Variants in MFSD11 observed in about 807,000 individuals in gnomAD.
The protein encoded by MFSD11 is major facilitator superfamily domain containing 11, also known as UNC93-like protein MFSD11.
MFSD11 carries 36 observed loss-of-function variants against 53.5 expected under a neutral mutation model. The ratio of observed to expected loss-of-function variants is 0.67; its 90% CI spans 0.52 to 0.89. The LOEUF (loss-of-function observed/expected upper bound fraction) is 0.89. MFSD11 is among the 40% of genes least tolerant of loss of function. MFSD11 has a pLI of 0.00. For missense variants in MFSD11, 530 were observed against 543.9 expected, an observed-to-expected ratio of 0.97 and a Z score of 0.25; for synonymous variants, 186 against 184.9, an observed-to-expected ratio of 1.01 and a Z score of -0.05.
intron 7 of MFSD11, among the ~76,000 whole-genome samples, chr17:76,750,723 A>G (rs1598560523): frequency 1.3e-5 from 2 of 151,076 alleles, no homozygotes; most frequent in Non-Finnish European, 2.9e-5. Flanking sequence ...AGTTAACAAG[A>G]TCTTCTTTAC....
At position 76,769,695 on chromosome 17, in the gene MFSD11, A is replaced by AATG. The variant is rs781667510; in HGVS notation, c.749-50_749-49insTGA. 12 of 1,484,266 alleles carry AATG rather than the reference A, an allele frequency of 8.1e-6. No individual in the cohort carries two copies. The South Asian group carries it at 1.5e-4, about 18-fold the overall frequency. The allele number at this position is 1,484,266 out of a possible 1,614,324, so 91.9% of individuals were successfully genotyped here. On this transcript the variant is annotated intron_variant, in intron 9 of 12. Coordinates refer to ENST00000685175, the MANE Select transcript of MFSD11 (RefSeq NM_001242532.5). ...TCAGATACTACTAGATGGGAAGATAAACAAAAATGTGAATATATAAATGAC... is the reference window on the plus strand; with the variant it reads ...TCAGATACTACTAGATGGGAAGATAAATGACAAAAATGTGAATATATAAATGAC...
At chr17:76,763,140 A>G (rs923127934) in intron 8 of MFSD11, among the ~76,000 whole-genome samples, 1 of 152,212 alleles carries the variant, frequency 6.6e-6, no homozygotes, top group Non-Finnish European at 1.5e-5. Context: ...TTGCTGGGTC[A>G]TGTGGTATCT....
downstream of MFSD11, among the ~76,000 whole-genome samples, chr17:76,785,947 T>G (rs1393174228): frequency 2.6e-5 from 4 of 151,002 alleles, 1 homozygote; most frequent in African/African-American, 9.7e-5. Flanking sequence ...GGCATGGTGG[T>G]GGGCACCTGT....
chr17:76,775,127 T>A lies in MFSD11; in HGVS notation c.1005T>A (p.Ile335=), dbSNP rs1343203911. The A allele has an allele frequency of 6.2e-7, 1 of 1,614,078 alleles. No individual in the cohort carries two copies. The highest frequency in any genetic ancestry group is 2.2e-5 in the East Asian group (1 of 44,892). The change falls in exon 11 of 13, where the codon ATT becomes ATA. Residue 335 remains isoleucine, a synonymous_variant. Coordinates refer to ENST00000685175, the MANE Select transcript of MFSD11 (RefSeq NM_001242532.5). ...TCAACATGCCTGGAGATGCCCCGAT[T>A]GCTCCTGTTAAAGGAACTGACAGCA... ...IFLNMPGDAP[I]APVKGTDSSA...
chr17:76,781,290 TA>T (rs2082158334), downstream of MFSD11: 1 of 152,048 alleles, frequency 6.6e-6, no homozygotes, highest in Non-Finnish European at 1.5e-5. Context: ...TGCTACGGAG[TA>T]GTCCTCAGGG....
intron 7 of MFSD11, among the ~76,000 whole-genome samples, chr17:76,749,620 G>A (rs777416899): frequency 2.0e-5 from 3 of 151,606 alleles, no homozygotes; most frequent in Admixed American, 6.6e-5. Flanking sequence ...GGCTGGGCAC[G>A]GTGACTTAAA....
chr17:76,793,705 T>C, the MFSD11 span, among the ~76,000 whole-genome samples: 1 of 151,590 alleles, frequency 6.6e-6, no homozygotes, highest in Admixed American at 6.6e-5. Flanking sequence ...TGTTCAGAGA[T>C]TGCAGTAAAG....
intron 8 of MFSD11, among the ~76,000 whole-genome samples, chr17:76,766,275 C>T (rs796232937): frequency 3.3e-5 from 5 of 151,334 alleles, no homozygotes; most frequent in Admixed American, 2.6e-4. Flanking sequence ...AATAATTAGC[C>T]GGGCATGGTG....
chr17:76,743,497 G>T, intron 6 of MFSD11, 41 bp downstream of exon 6: 1 of 1,316,546 alleles, frequency 7.6e-7, no homozygotes, highest in South Asian at 1.5e-5. Flanking sequence ...TATGTTCAAA[G>T]CATAATAGGA....
chr17:76,800,980 G>A, the MFSD11 span, among the ~76,000 whole-genome samples: 21 of 152,068 alleles, frequency 1.4e-4, no homozygotes, highest in East Asian at 4.1e-3. Context: ...GGGAGGTGGA[G>A]GCAGGAGAAT....
At chr17:76,759,516 G>A (rs778602977) in intron 8 of MFSD11, among the ~76,000 whole-genome samples, 28 of 151,624 alleles carry the variant, frequency 1.8e-4, no homozygotes, top group East Asian at 3.9e-4. Flanking sequence ...GTGCAGTGGC[G>A]CGATCTCAGC....
chr17:76,763,232 T>C (rs553251825), intron 8 of MFSD11, among the ~76,000 whole-genome samples: 13 of 152,202 alleles, frequency 8.5e-5, no homozygotes, highest in African/African-American at 2.9e-4. Flanking sequence ...TGTCAGTGTT[T>C]CCACGTGCTT....
Position 76,739,001 on chromosome 17 carries a change from A to G in MFSD11, c.152+8A>G. On this transcript the variant is annotated splice_region_variant and intron_variant, in intron 2 of 12. Transcript: ENST00000685175. ...CGGCAGTGGATATACCAGGTATTGT[A>G]CCGTATGATTGATTTTGCTTTATAT... 6.2e-7 allele frequency: 1 copy of G among 1,609,692 alleles called. No individual in the cohort carries two copies. The highest frequency in any genetic ancestry group is 8.5e-7 in the Non-Finnish European group (1 of 1,176,066).
At chr17:76,739,917 AG>A (rs1435930540) in intron 2 of MFSD11, among the ~76,000 whole-genome samples, 2 of 152,166 alleles carry the variant, frequency 1.3e-5, no homozygotes, top group African/African-American at 4.8e-5. Flanking sequence ...CTGTAATCCC[AG>A]CGCTTTGGGA....
upstream of MFSD11, chr17:76,737,971 G>C (rs1345586061): frequency 3.8e-6 from 1 of 262,756 alleles, no homozygotes; most frequent in Non-Finnish European, 7.2e-6. Flanking sequence ...CCGCGGCTGC[G>C]GTCAGGTGAC....
chr17:76,787,499 A>G, the MFSD11 span, among the ~76,000 whole-genome samples: 4,054 of 150,148 alleles, frequency 0.027, 327 homozygotes, highest in African/African-American at 0.093. Flanking sequence ...TGAGAGATTC[A>G]TTATGTAATT....
rs2078372001 is a variant in MFSD11 at position 76,744,436 on chromosome 17, C to T, written c.611C>T (p.Ser204Phe). ...DSENVLGEDE[S>F]SDDQDMEVNE... ...GAAAATGTCCTAGGAGAAGATGAGTCTTCTGATGACCAGGACATGGAAGTC... is the reference window on the plus strand; with the variant it reads ...GAAAATGTCCTAGGAGAAGATGAGTTTTCTGATGACCAGGACATGGAAGTC... Residue 204 changes from serine to phenylalanine, a missense_variant, in exon 7 of 13, where the codon TCT (serine) becomes TTT (phenylalanine). Ser to Phe is a radical substitution (Grantham distance 155, BLOSUM62 -2). Transcript: ENST00000685175. 2.5e-6 allele frequency: 4 copies of T among 1,613,376 alleles called. No individual in the cohort carries two copies. The highest frequency in any genetic ancestry group is 3.4e-6 in the Non-Finnish European group (4 of 1,179,790).
downstream of MFSD11, among the ~76,000 whole-genome samples, chr17:76,784,830 C>CA (rs2078307196): frequency 6.6e-6 from 1 of 152,088 alleles, no homozygotes; most frequent in Non-Finnish European, 1.5e-5. Flanking sequence ...ACCCAGGAGA[C>CA]AGAGGTTACA....
rs576817533 is a variant in MFSD11 at position 76,755,708 on chromosome 17, A to G, written c.682+1621A>G. Among the ~76,000 whole-genome samples, 121 of 142,418 alleles carry G rather than the reference A, an allele frequency of 8.5e-4. No homozygotes were observed. The South Asian group carries it at 0.013, about 16-fold the overall frequency. The allele number at this position is 142,418 out of a possible 152,430, so 93.4% of individuals were successfully genotyped here. On this transcript the variant is annotated intron_variant, in intron 8 of 12. Coordinates refer to ENST00000685175, the MANE Select transcript of MFSD11 (RefSeq NM_001242532.5). ...TATTCATAGTTTTTTACATATATAT[A>G]TGTGTATATATATGTGTATATGTAT...
Sources: allele counts gnomAD v4.1 joint callset (sites outside exome capture counted in the v4.1 genomes callset), GRCh38; gene constraint gnomAD v4.1.1; transcripts MANE v1.5; gene names NCBI Gene and HGNC (gene_info 2026-07-23, HGNC 2026-07-21).